The following LRP1B variants were observed in gnomAD, a reference collection of about 807,000 sequenced individuals.
The protein encoded by LRP1B is low-density lipoprotein receptor-related protein 1B.
Under a neutral mutation model 556.6 loss-of-function variants are expected in LRP1B, and 217 were observed. The observed-to-expected ratio is 0.39, with a 90% confidence interval of 0.35 to 0.44. The LOEUF is 0.44. Ranked by LOEUF, LRP1B falls within the 20% of genes least tolerant of loss-of-function variation. The pLI is 1.00. For missense variants in LRP1B, 5,053 were observed against 5,620.8 expected, an observed-to-expected ratio of 0.90 and a Z score of 3.23; for synonymous variants, 2,047 against 1,865.8, an observed-to-expected ratio of 1.10 and a Z score of -2.50.
At chr2:140,312,014 T>A (rs1684324953) in intron 83 of LRP1B, among the ~76,000 whole-genome samples, 1 of 151,826 alleles carries the variant, frequency 6.6e-6, no homozygotes, top group Non-Finnish European at 1.5e-5. Flanking sequence ...TGGGGACAGT[T>A]ACCAAGACAG....
At chr2:140,425,021 G>A (rs924159081) in intron 66 of LRP1B, among the ~76,000 whole-genome samples, 1 of 150,996 alleles carries the variant, frequency 6.6e-6, no homozygotes, top group African/African-American at 2.4e-5. Flanking sequence ...TTCTATTTTC[G>A]ATTATAATCC....
chr2:141,566,191 C>T (rs1285370366), intron 2 of LRP1B, among the ~76,000 whole-genome samples: 8 of 150,980 alleles, frequency 5.3e-5, no homozygotes, highest in South Asian at 4.2e-4. Flanking sequence ...GCAAGGTGAT[C>T]CCTCCAATAT....
intron 33 of LRP1B, among the ~76,000 whole-genome samples, chr2:140,772,991 C>T (rs995241463): frequency 2.0e-5 from 3 of 151,872 alleles, no homozygotes; most frequent in East Asian, 1.9e-4. Context: ...ACCAACTACT[C>T]GGGAGGCTGA....
chr2:140,786,650 G>C (rs1428039960), intron 32 of LRP1B, among the ~76,000 whole-genome samples: 4 of 152,154 alleles, frequency 2.6e-5, no homozygotes, highest in Non-Finnish European at 5.9e-5. Context: ...ATGAAGGTAA[G>C]ATGGAGAGCA....
rs1553524356 is a variant in LRP1B, at chr2:141,510,911, C to CCCCA, written c.206-30379_206-30378insTGGG. Among the ~76,000 whole-genome samples, 836 of 144,754 alleles carry CCCCA rather than the reference C, an allele frequency of 5.8e-3. 3 individuals are homozygous for CCCCA. Among genetic ancestry groups the CCCCA allele is most frequent in the Non-Finnish European group, 8.7e-3 (576 of 66,082 alleles). The allele number at this position is 144,754 out of a possible 152,430, so 95.0% of individuals were successfully genotyped here. On this transcript the variant is annotated intron_variant, in intron 2 of 90. Coordinates refer to ENST00000389484, the MANE Select transcript of LRP1B (RefSeq NM_018557.3). ...ACACACACACACACACACACACACC[C>CCCCA]CACACAAACATACACACAAGCTCCA... is the stretch of plus-strand genomic sequence containing the variant.
At chr2:142,069,712 C>G (rs1360996724) in intron 1 of LRP1B, among the ~76,000 whole-genome samples, 1 of 151,700 alleles carries the variant, frequency 6.6e-6, no homozygotes, top group South Asian at 2.1e-4. Context: ...TGCATGCGAA[C>G]TTTTTTCTTT....
intron 7 of LRP1B, among the ~76,000 whole-genome samples, chr2:141,066,790 A>G (rs1379809467): frequency 3.3e-5 from 5 of 151,994 alleles, no homozygotes; most frequent in Non-Finnish European, 7.4e-5. Context: ...AGGTTACACG[A>G]CAAGATTTTT....
chr2:140,985,389 T>C (rs1358531230), intron 17 of LRP1B, among the ~76,000 whole-genome samples: 1 of 150,248 alleles, frequency 6.7e-6, no homozygotes, highest in African/African-American at 2.5e-5. Context: ...AATTGAGTTA[T>C]AATTGGTAGA....
At chr2:142,129,584 T>TTCTCTCTC (rs56034357) in intron 1 of LRP1B, among the ~76,000 whole-genome samples, 42 of 134,824 alleles carry the variant, frequency 3.1e-4, no homozygotes, top group East Asian at 3.0e-3. Context: ...CTTTCTCTCT[T>TTCTCTCTC]TCTCTCTCTC....
intron 66 of LRP1B, among the ~76,000 whole-genome samples, chr2:140,430,852 T>G (rs1685903350): frequency 6.6e-6 from 1 of 152,204 alleles, no homozygotes; most frequent in African/African-American, 2.4e-5. Context: ...CCTCAGGGAT[T>G]GTTCAGGTCT....
chr2:141,377,449 G>A (rs1172195744), intron 3 of LRP1B, among the ~76,000 whole-genome samples: 1 of 151,966 alleles, frequency 6.6e-6, no homozygotes. Flanking sequence ...TTGAACAGTA[G>A]TTTAAAGACA....
intron 7 of LRP1B, among the ~76,000 whole-genome samples, chr2:141,140,654 G>C (rs909637254): frequency 1.3e-5 from 2 of 152,124 alleles, no homozygotes; most frequent in Admixed American, 1.3e-4. Flanking sequence ...AAGGACAGAC[G>C]TCTTAGGGGA....
intron 2 of LRP1B, among the ~76,000 whole-genome samples, chr2:141,498,198 G>A (rs1683583235): frequency 6.6e-6 from 1 of 151,950 alleles, no homozygotes; most frequent in South Asian, 2.1e-4. Flanking sequence ...AAAAGGACTA[G>A]TGGAGTAATA....
intron 41 of LRP1B, among the ~76,000 whole-genome samples, chr2:140,605,478 C>T (rs1203331846): frequency 6.6e-6 from 1 of 152,004 alleles, no homozygotes; most frequent in Non-Finnish European, 1.5e-5. Context: ...CTAAATTCTA[C>T]CCTCTGTAAA....
intron 1 of LRP1B, among the ~76,000 whole-genome samples, chr2:141,919,715 T>C (rs1700131386): frequency 6.6e-6 from 1 of 152,032 alleles, no homozygotes; most frequent in Admixed American, 6.6e-5. Flanking sequence ...TTTAGCCATG[T>C]ATAGATTCAA....
chr2:141,257,992 T>C (rs939220966), intron 3 of LRP1B, among the ~76,000 whole-genome samples: 1 of 152,220 alleles, frequency 6.6e-6, no homozygotes, highest in Non-Finnish European at 1.5e-5. Context: ...ACTTGAATCA[T>C]TAGTCTTCAC....
At chr2:142,094,686 C>T (rs1706296440) in intron 1 of LRP1B, among the ~76,000 whole-genome samples, 1 of 151,830 alleles carries the variant, frequency 6.6e-6, no homozygotes, top group African/African-American at 2.4e-5. Context: ...TGACACAACC[C>T]TGTGTTCTAG....
chr2:141,236,455 T>C (rs571341127), intron 5 of LRP1B, among the ~76,000 whole-genome samples: 1 of 152,168 alleles, frequency 6.6e-6, no homozygotes, highest in Admixed American at 6.6e-5. Flanking sequence ...GCTAAGGCAT[T>C]TGGGGGATCA....
chr2:141,219,145 C>A (rs1346302253), intron 6 of LRP1B, among the ~76,000 whole-genome samples: 7 of 152,186 alleles, frequency 4.6e-5, no homozygotes, highest in African/African-American at 7.2e-5. Context: ...GAGAGCTGTG[C>A]AATCCAATCG....
Sources: allele counts gnomAD v4.1 joint callset (sites outside exome capture counted in the v4.1 genomes callset), GRCh38; gene constraint gnomAD v4.1.1; transcripts MANE v1.5; gene names NCBI Gene and HGNC (gene_info 2026-07-23, HGNC 2026-07-21).